The following NBEA variants were observed in gnomAD, a reference collection of about 807,000 sequenced individuals.
The protein encoded by NBEA is lysosomal-trafficking regulator 2.
Under a neutral mutation model 343.4 loss-of-function variants are expected in NBEA, and 44 were observed. The ratio of observed to expected loss-of-function variants is 0.13; its 90% CI spans 0.10 to 0.16. NBEA has a LOEUF of 0.16. Among genes scored for constraint, NBEA ranks in the 10% least tolerant of loss-of-function variants. NBEA has a pLI of 1.00. For missense variants in NBEA, 2,555 were observed against 3,631.3 expected (o/e 0.70, Z 7.62); for synonymous variants, 1,175 against 1,238.7 (o/e 0.95, Z 1.08).
Position 35,182,449 on chromosome 13 carries a change from A to G in NBEA, c.4752A>G (p.Glu1584=). 3.1e-6 allele frequency: 5 copies of G among 1,610,664 alleles called. No homozygotes were observed. In the South Asian group the frequency reaches 5.5e-5, roughly 18 times the overall value. The stretch of plus-strand genomic sequence containing the variant: ...TTTCCAAGTATCGTGACATATTAGA[A>G]CCCCAGAGAGAGACTACAAGAACTG... ...LMVSKYRDIL[E]PQRETTRTGS... The change falls in exon 29 of 59, where the codon GAA becomes GAG. Residue 1584 remains glutamate (E), a synonymous_variant. Coordinates refer to ENST00000379939, the MANE Select transcript of NBEA (RefSeq NM_001385012.1).
At position 35,668,667 on chromosome 13, in the gene NBEA, A is replaced by T. The variant is rs894505961; in HGVS notation, c.8813+148A>T. The T allele has an allele frequency of 1.5e-5, 12 of 783,508 alleles. No individual in the cohort carries two copies. The African/African-American group carries it at 2.0e-4, about 13-fold the overall frequency. The allele number at this position is 783,508 out of a possible 1,614,324, so 48.5% of individuals were successfully genotyped here. A position where few individuals can be genotyped will look rare whatever the true frequency, so the allele number is the denominator to read the frequency against. On this transcript the variant is annotated intron_variant, in intron 58 of 58. Transcript: ENST00000379939. ...AAGAAAAGGGGAAAATGAGGGGAAG[A>T]GTAAGGATTCTAGTGAGAGGGAAAC...
intron 38 of NBEA, among the ~76,000 whole-genome samples, chr13:35,386,530 C>T (rs1443842316): frequency 1.3e-5 from 2 of 152,028 alleles, no homozygotes; most frequent in African/African-American, 4.8e-5. Flanking sequence ...TAAATATTTA[C>T]AATAGCTCAT....
At chr13:34,997,553 T>A (rs1196474960) in intron 1 of NBEA, among the ~76,000 whole-genome samples, 1 of 152,254 alleles carries the variant, frequency 6.6e-6, no homozygotes, top group East Asian at 1.9e-4. Context: ...CAGTAATTTA[T>A]GAGTTACAGA....
intron 41 of NBEA, among the ~76,000 whole-genome samples, chr13:35,486,600 G>A (rs1594785612): frequency 6.6e-6 from 1 of 152,002 alleles, no homozygotes; most frequent in Non-Finnish European, 1.5e-5. Context: ...ACAGGTAATT[G>A]CAGAGCCAGG....
chr13:35,017,471 A>G (rs138595448), intron 1 of NBEA, among the ~76,000 whole-genome samples: 78 of 152,256 alleles, frequency 5.1e-4, no homozygotes, highest in African/African-American at 1.8e-3. Flanking sequence ...ATCCTCTTCC[A>G]TACTTGGTGT....
At chr13:35,101,261 T>C (rs1169690056) in intron 11 of NBEA, among the ~76,000 whole-genome samples, 1 of 151,954 alleles carries the variant, frequency 6.6e-6, no homozygotes, top group Non-Finnish European at 1.5e-5. Context: ...GAGAAACTAT[T>C]GATGTTTTTC....
intron 39 of NBEA, among the ~76,000 whole-genome samples, chr13:35,437,511 A>G (rs1281187084): frequency 6.6e-6 from 1 of 152,080 alleles, no homozygotes; most frequent in Non-Finnish European, 1.5e-5. Context: ...CATGTGCAAA[A>G]GATTTTGTGT....
intron 45 of NBEA, among the ~76,000 whole-genome samples, chr13:35,569,529 CTG>C (rs945082379): frequency 6.6e-6 from 1 of 152,142 alleles, no homozygotes; most frequent in Non-Finnish European, 1.5e-5. Flanking sequence ...AACTTATAGA[CTG>C]AAGCTCCTTT....
chr13:35,599,704 A>G (rs186210298), intron 47 of NBEA, among the ~76,000 whole-genome samples: 58 of 152,362 alleles, frequency 3.8e-4, no homozygotes, highest in African/African-American at 1.4e-3. Context: ...CAAGGGGGAA[A>G]TAGACTCCAC....
chr13:35,024,330 A>G (rs1462731628), intron 1 of NBEA, among the ~76,000 whole-genome samples: 1 of 152,100 alleles, frequency 6.6e-6, no homozygotes, highest in Non-Finnish European at 1.5e-5. Flanking sequence ...TGGTAAAACA[A>G]TTTTTATTCC....
At chr13:35,458,059 A>G (rs184461026) in intron 40 of NBEA, among the ~76,000 whole-genome samples, 2 of 152,320 alleles carry the variant, frequency 1.3e-5, no homozygotes, top group East Asian at 1.9e-4. Context: ...TCATGTGGAC[A>G]TATGTTTTCA....
intron 25 of NBEA, among the ~76,000 whole-genome samples, chr13:35,170,678 C>A (rs775962317): frequency 1.1e-4 from 16 of 151,616 alleles, no homozygotes; most frequent in African/African-American, 3.9e-4. Flanking sequence ...GATGAGTTAG[C>A]GATCTTGATT....
At chr13:35,304,331 C>G (rs867114192) in intron 35 of NBEA, among the ~76,000 whole-genome samples, 20 of 148,900 alleles carry the variant, frequency 1.3e-4, no homozygotes, top group African/African-American at 3.0e-4. Flanking sequence ...AAGCAATTCT[C>G]TGTGTGTGTG....
chr13:35,322,465 A>T (rs1275364004), intron 36 of NBEA, among the ~76,000 whole-genome samples: 1 of 152,108 alleles, frequency 6.6e-6, no homozygotes, highest in Admixed American at 6.5e-5. Flanking sequence ...CTGCCTAGTC[A>T]TCCCAATGAG....
At chr13:35,322,167 G>A (rs1033900066) in intron 36 of NBEA, among the ~76,000 whole-genome samples, 34 of 152,170 alleles carry the variant, frequency 2.2e-4, no homozygotes, top group African/African-American at 7.7e-4. Flanking sequence ...CCTGCAGCTA[G>A]CTCAGTGTCT....
chr13:35,160,164 C>G lies in NBEA; in HGVS notation c.3861+132C>G, dbSNP rs2069456150. On this transcript the variant is annotated intron_variant, in intron 22 of 58. Transcript: ENST00000379939. ...TATAGTATAATAGTAATTTATGGAACTAAATAGTGCGGTATAATTTCATGT... is the reference window on the plus strand; with the variant it reads ...TATAGTATAATAGTAATTTATGGAAGTAAATAGTGCGGTATAATTTCATGT... 4 of 827,800 alleles carry G rather than the reference C, an allele frequency of 4.8e-6. No individual in the cohort carries two copies. The South Asian group carries it at 8.3e-5, about 17-fold the overall frequency. 51.3% of individuals were successfully genotyped at this position (827,800 alleles called of 1,614,324 possible). A position where few individuals can be genotyped will look rare whatever the true frequency, so the allele number is the denominator to read the frequency against.
chr13:34,974,709 A>C (rs2060108973), intron 1 of NBEA, among the ~76,000 whole-genome samples: 1 of 152,136 alleles, frequency 6.6e-6, no homozygotes, highest in Admixed American at 6.6e-5. Context: ...ATTCAGAAAA[A>C]CCAAAGTGGA....
At chr13:35,607,148 C>A (rs2082311075) in intron 48 of NBEA, among the ~76,000 whole-genome samples, 1 of 152,102 alleles carries the variant, frequency 6.6e-6, no homozygotes, top group South Asian at 2.1e-4. Flanking sequence ...CTCCTGGGCT[C>A]AAGTAGTCCT....
At chr13:35,575,865 C>CA (rs1424435687) in intron 45 of NBEA, among the ~76,000 whole-genome samples, 1 of 152,116 alleles carries the variant, frequency 6.6e-6, no homozygotes, top group Non-Finnish European at 1.5e-5. Flanking sequence ...GAATAGCTCC[C>CA]AGCCACCCTA....
Sources: allele counts gnomAD v4.1 joint callset (sites outside exome capture counted in the v4.1 genomes callset), GRCh38; gene constraint gnomAD v4.1.1; transcripts MANE v1.5; gene names NCBI Gene and HGNC (gene_info 2026-07-23, HGNC 2026-07-21).